Variants in FRYL observed in about 807,000 individuals in gnomAD.
The protein encoded by FRYL is protein furry homolog-like.
FRYL carries 150 observed loss-of-function variants against 351.2 expected under a neutral mutation model. That is an observed-to-expected ratio of 0.43 (90% CI 0.37 to 0.49). The LOEUF is 0.49. FRYL is among the 20% of genes least tolerant of loss of function. The pLI, the probability that FRYL is intolerant of heterozygous loss-of-function variation, is 0.00. For missense variants in FRYL, 3,036 were observed against 3,619.3 expected (o/e 0.84, Z 4.13); for synonymous variants, 1,153 against 1,257.1 (o/e 0.92, Z 1.75).
chr4:48,635,594 A>G (rs1015909352), intron 3 of FRYL, among the ~76,000 whole-genome samples: 1 of 152,186 alleles, frequency 6.6e-6, no homozygotes, highest in African/African-American at 2.4e-5. Context: ...ACACCACTGC[A>G]TGCTGTGCAG....
chr4:48,756,717 G>A (rs1050936040), intron 1 of FRYL, among the ~76,000 whole-genome samples: 9 of 152,274 alleles, frequency 5.9e-5, no homozygotes, highest in African/African-American at 1.9e-4. Flanking sequence ...GGAGGTGGAG[G>A]TGGCAAGTTT....
intron 2 of FRYL, among the ~76,000 whole-genome samples, chr4:48,689,205 T>C (rs1313599356): frequency 1.3e-5 from 2 of 152,224 alleles, no homozygotes; most frequent in East Asian, 3.8e-4. Context: ...GTTATTGTCA[T>C]ATTACTTGAT....
At chr4:48,531,557 A>T (rs886754589) in intron 49 of FRYL, among the ~76,000 whole-genome samples, 1 of 152,224 alleles carries the variant, frequency 6.6e-6, no homozygotes, top group Non-Finnish European at 1.5e-5. Context: ...ATCAGATACC[A>T]TATGTGTAAT....
chr4:48,665,269 TAG>T (rs2149486372), intron 3 of FRYL, among the ~76,000 whole-genome samples: 1 of 152,338 alleles, frequency 6.6e-6, no homozygotes, highest in East Asian at 1.9e-4. Flanking sequence ...ATTCCTCTGC[TAG>T]AATGAAACAG....
intron 3 of FRYL, among the ~76,000 whole-genome samples, chr4:48,651,216 G>A (rs1486431162): frequency 1.5e-3 from 5 of 3,360 alleles, no homozygotes; most frequent in South Asian, 0.05. Flanking sequence ...CATGCACCGT[G>A]TGTGTGTGTG....
At chr4:48,550,442 G>A in intron 38 of FRYL, 150 bp downstream of exon 38, 1 of 568,252 alleles carries the variant, frequency 1.8e-6, no homozygotes, top group African/African-American at 1.9e-5. Flanking sequence ...TTAAAATCAA[G>A]ATGTTTCAGA....
At position 48,564,055 on chromosome 4, in the gene FRYL, G is replaced by A. The variant is rs756326843; in HGVS notation, c.3489C>T (p.Asn1163=). The A allele has an allele frequency of 2.3e-5, 37 of 1,614,148 alleles. No individual in the cohort carries two copies. The highest frequency in any genetic ancestry group is 2.9e-5 in the Non-Finnish European group (34 of 1,180,022). Residue 1163 remains asparagine (N), a synonymous_variant, in exon 31 of 64, where the codon AAC becomes AAT. Coordinates refer to ENST00000358350, the MANE Select transcript of FRYL (RefSeq NM_015030.2). ...CEAVTLLLEL[N]PDQSNLMYWA... ...AGTACATCAGGTTGCTCTGATCAGG[G>A]TTCAGCTCCAGTAACAACGTAACTG...
chr4:48,621,472 G>C (rs985052745), intron 5 of FRYL, among the ~76,000 whole-genome samples: 2 of 152,100 alleles, frequency 1.3e-5, no homozygotes, highest in Non-Finnish European at 2.9e-5. Context: ...GTCTGCACAG[G>C]CTACCATCAG....
chr4:48,666,557 A>G (rs1481681279), intron 3 of FRYL, among the ~76,000 whole-genome samples: 4 of 152,160 alleles, frequency 2.6e-5, no homozygotes, highest in Non-Finnish European at 5.9e-5. Context: ...ATTTAGAAAA[A>G]GCTAACTTCA....
intron 2 of FRYL, among the ~76,000 whole-genome samples, chr4:48,689,895 C>CT (rs869300628): frequency 0.024 from 3,190 of 135,638 alleles, 45 homozygotes; most frequent in Non-Finnish European, 0.036. Context: ...TTCTTTTTTT[C>CT]TTTTTTTTTT....
chr4:48,712,175 C>T lies in FRYL; in HGVS notation c.-383-1477G>A, dbSNP rs187129952. On this transcript the variant is annotated intron_variant, in intron 1 of 63. Transcript: ENST00000358350. ...AAGCAGGGCACCTCTCCTCCTCCAA[C>T]GGAACGCAGTTCCTCACCAGCAATG... Among the ~76,000 whole-genome samples the T allele has an allele frequency of 1.4e-3, 207 of 152,278 alleles. 3 individuals carry two copies. The highest frequency in any genetic ancestry group is 4.6e-3 in the African/African-American group (190 of 41,560).
chr4:48,738,008 T>C (rs1435046166), intron 1 of FRYL, among the ~76,000 whole-genome samples: 2 of 152,350 alleles, frequency 1.3e-5, no homozygotes, highest in South Asian at 2.1e-4. Context: ...TCATTCTTCA[T>C]GGTGAGAAAC....
At chr4:48,713,888 A>T (rs534682300) in intron 1 of FRYL, among the ~76,000 whole-genome samples, 1 of 152,340 alleles carries the variant, frequency 6.6e-6, no homozygotes, top group South Asian at 2.1e-4. Flanking sequence ...TCTTCTCAGC[A>T]AATGGAAAAG....
At chr4:48,662,927 G>A (rs568622054) in intron 3 of FRYL, among the ~76,000 whole-genome samples, 1 of 152,112 alleles carries the variant, frequency 6.6e-6, no homozygotes, top group South Asian at 2.1e-4. Flanking sequence ...ACAGACAAAA[G>A]CTAAAAGACT....
At chr4:48,678,869 G>A (rs1188039606) in intron 3 of FRYL, among the ~76,000 whole-genome samples, 1 of 151,808 alleles carries the variant, frequency 6.6e-6, no homozygotes, top group South Asian at 2.1e-4. Context: ...CTGCTTATTT[G>A]CAAATTAATA....
Position 48,557,059 on chromosome 4 carries a change from G to C in FRYL, c.4185C>G (p.Gly1395=). 6.2e-7 allele frequency: 1 copy of C among 1,607,582 alleles called. No homozygotes were observed. Among genetic ancestry groups the C allele is most frequent in the Non-Finnish European group, 8.5e-7 (1 of 1,176,992 alleles). ...AAATTATTTTCAGGTTTTTGGGCCAGCCATCTGCAAGTGTGGTCCACACAT... is the reference window on the plus strand; with the variant it reads ...AAATTATTTTCAGGTTTTTGGGCCACCCATCTGCAAGTGTGGTCCACACAT... The part of the protein sequence containing the change: ...VENVWTTLAD[G]WPKNLKIILH... The change falls in exon 35 of 64, where the codon GGC becomes GGG. Residue 1395 remains glycine, a synonymous_variant. Coordinates refer to ENST00000358350, the MANE Select transcript of FRYL (RefSeq NM_015030.2).
intron 62 of FRYL, among the ~76,000 whole-genome samples, chr4:48,501,068 A>G (rs1339324932): frequency 1.4e-5 from 2 of 143,442 alleles, no homozygotes; most frequent in Non-Finnish European, 3.0e-5. Context: ...CCTGGGCAAA[A>G]GAAGGAGACT....
intron 2 of FRYL, among the ~76,000 whole-genome samples, chr4:48,688,432 G>A (rs1366810400): frequency 3.3e-5 from 5 of 151,948 alleles, no homozygotes; most frequent in Admixed American, 6.6e-5. Context: ...ATCAAGCGCA[G>A]GCAGCAAGCA....
chr4:48,711,921 G>A (rs560332759), intron 1 of FRYL, among the ~76,000 whole-genome samples: 6 of 152,328 alleles, frequency 3.9e-5, no homozygotes, highest in African/African-American at 1.4e-4. Context: ...AAAAACCGCT[G>A]CTCTGCAAAC....
Sources: gnomAD v4.1 joint callset for allele counts (sites outside exome capture counted in the v4.1 genomes callset) on GRCh38, gnomAD v4.1.1 for gene constraint, MANE v1.5 for transcripts, NCBI Gene and HGNC (gene_info 2026-07-23, HGNC 2026-07-21) for gene names.